The following SMU1 variants were observed in gnomAD, a reference collection of about 807,000 sequenced individuals.
SMU1 encodes the protein WD40 repeat-containing protein SMU1.
Under a neutral mutation model 62.0 loss-of-function variants are expected in SMU1, and 2 were observed. The ratio of observed to expected loss-of-function variants is 0.03; its 90% CI spans 0.01 to 0.10. The LOEUF (loss-of-function observed/expected upper bound fraction) is 0.10, where lower values mean the gene tolerates loss of function less well. Ranked by LOEUF, SMU1 falls within the 10% of genes least tolerant of loss-of-function variation. SMU1 has a pLI of 1.00. For synonymous variants in SMU1, 188 were observed against 212.4 expected (o/e 0.89, Z 1.00); for missense variants, 227 against 622.1 (o/e 0.36, Z 6.76).
At position 33,064,611 on chromosome 9, in the gene SMU1, T is replaced by C. The variant is rs370200515; in HGVS notation, c.502-2434A>G. 2.5e-4 allele frequency among the ~76,000 whole-genome samples: 38 copies of C among 152,334 alleles called. No homozygotes were observed. In the South Asian group the frequency reaches 7.9e-3, roughly 32 times the overall value. ...GTTTTTGCACTGTTGTTGCACTGGT[T>C]GCAACAGATGTTCTTGTGTCCACTA... On this transcript the variant is annotated intron_variant, in intron 4 of 11. Transcript: ENST00000397149.
rs1839144556 is a variant in SMU1 at position 33,043,184 on chromosome 9, AC to A, written c.*4108del. The A allele has an allele frequency of 6.6e-6, 1 of 152,208 alleles. No individual in the cohort carries two copies. 9.4% of individuals were successfully genotyped at this position (152,208 alleles called of 1,614,324 possible). The stretch of plus-strand genomic sequence containing the variant: ...CCAGGGAACTTCCTCACTTGGACAT[AC>A]ACTTCATAGCAATTTCTTCTCTTAA... On this transcript the variant is annotated 3_prime_UTR_variant, in exon 12 of 12. Transcript: ENST00000397149.
chr9:33,065,671 T>G (rs1839411686), intron 4 of SMU1, among the ~76,000 whole-genome samples: 1 of 152,262 alleles, frequency 6.6e-6, no homozygotes, highest in South Asian at 2.1e-4. Context: ...TCACATACCC[T>G]TCAAGCACAA....
intron 4 of SMU1, among the ~76,000 whole-genome samples, chr9:33,066,471 G>A (rs1042896045): frequency 6.8e-6 from 1 of 146,008 alleles, no homozygotes. Flanking sequence ...AGGATAGTCT[G>A]GGCAACACAG....
chr9:33,047,207 G>C lies in SMU1; in HGVS notation c.*86C>G. ...TCAGACAATCTATTTGCTTAGAAAA[G>C]CTGGCAAAAAAAAAAAAAAGCACAT... On this transcript the variant is annotated 3_prime_UTR_variant, in exon 12 of 12. Coordinates refer to ENST00000397149, the MANE Select transcript of SMU1 (RefSeq NM_018225.3). 2.6e-6 allele frequency: 2 copies of C among 782,460 alleles called. No homozygotes were observed. The highest frequency in any genetic ancestry group is 4.0e-6 in the Non-Finnish European group (2 of 504,394). The allele number at this position is 782,460 out of a possible 1,614,324, so 48.5% of individuals were successfully genotyped here. A position where few individuals can be genotyped will look rare whatever the true frequency, so the allele number is the denominator to read the frequency against.
chr9:33,054,359 G>C (rs1171484728), intron 9 of SMU1, among the ~76,000 whole-genome samples: 1 of 152,062 alleles, frequency 6.6e-6, no homozygotes, highest in Non-Finnish European at 1.5e-5. Flanking sequence ...CTGAGATTTT[G>C]ATGTGGTAGG....
intron 10 of SMU1, among the ~76,000 whole-genome samples, chr9:33,052,858 G>T (rs1019612315): frequency 1.3e-5 from 2 of 152,238 alleles, no homozygotes; most frequent in African/African-American, 4.8e-5. Flanking sequence ...GGTTCTGAAG[G>T]AGGCTTAAAG....
At chr9:33,072,836 AAAC>A (rs1839502564) in intron 2 of SMU1, among the ~76,000 whole-genome samples, 3 of 151,762 alleles carry the variant, frequency 2.0e-5, no homozygotes, top group Admixed American at 1.3e-4. Context: ...CTCAAAAAAA[AAAC>A]AAAAAAAAAA....
In SMU1 at chr9:33,048,142, G is replaced by A. The variant is rs774554930; in HGVS notation, c.1407C>T (p.Phe469=). 9 of 1,614,108 alleles carry A rather than the reference G, an allele frequency of 5.6e-6. No individual in the cohort carries two copies. The highest frequency in any genetic ancestry group is 1.1e-5 in the South Asian group (1 of 91,070). ...CVGEDFVLYC[F]STVTGKLERT... ...TCTCCAGTTTGCCAGTGACTGTACT[G>A]AAACAGTAGAGCACAAAGTCCTCCC... The change falls in exon 11 of 12, where the codon TTC becomes TTT. Residue 469 remains phenylalanine (F), a synonymous_variant. Transcript: ENST00000397149.
At chr9:33,055,980 C>G (rs1839299496) in intron 9 of SMU1, 133 bp downstream of exon 9, 1 of 857,842 alleles carries the variant, frequency 1.2e-6, no homozygotes, top group African/African-American at 1.7e-5. Context: ...CTCAGACTCA[C>G]CTCAATTACA....
intron 9 of SMU1, among the ~76,000 whole-genome samples, chr9:33,055,276 G>A (rs895996042): frequency 1.3e-5 from 2 of 152,056 alleles, no homozygotes; most frequent in East Asian, 3.8e-4. Context: ...TCCTGGGTTC[G>A]AGTGATCCTT....
intron 9 of SMU1, among the ~76,000 whole-genome samples, chr9:33,054,147 A>C (rs938823354): frequency 6.6e-6 from 1 of 151,996 alleles, no homozygotes; most frequent in Non-Finnish European, 1.5e-5. Flanking sequence ...TAAAATACAA[A>C]CAAACAAAAC....
At chr9:33,062,449 A>T (rs979002048) in intron 4 of SMU1, among the ~76,000 whole-genome samples, 67 of 152,178 alleles carry the variant, frequency 4.4e-4, no homozygotes, top group Non-Finnish European at 2.9e-5. Context: ...TTATAAACAA[A>T]ACTTGGAAAA....
Position 33,047,258 on chromosome 9 carries a change from C to T in SMU1, c.*35G>A, listed in dbSNP as rs1478161619. 4 of 1,393,694 alleles carry T rather than the reference C, an allele frequency of 2.9e-6. No homozygotes were observed. Among genetic ancestry groups the T allele is most frequent in the Non-Finnish European group, 4.0e-6 (4 of 1,000,264 alleles). 86.3% of individuals were successfully genotyped at this position (1,393,694 alleles called of 1,614,324 possible). A position where few individuals can be genotyped will look rare whatever the true frequency, so the allele number is the denominator to read the frequency against. On this transcript the variant is annotated 3_prime_UTR_variant, in exon 12 of 12. Transcript: ENST00000397149. ...TACATGAATATGCTTCATTTAAGTACATGCTTTCGAGCTGATTTAAAAAGA... is the reference window on the plus strand; with the variant it reads ...TACATGAATATGCTTCATTTAAGTATATGCTTTCGAGCTGATTTAAAAAGA...
At chr9:33,062,927 T>C (rs551425831) in intron 4 of SMU1, among the ~76,000 whole-genome samples, 2 of 152,318 alleles carry the variant, frequency 1.3e-5, no homozygotes, top group South Asian at 2.1e-4. Flanking sequence ...CCAAAAAAAG[T>C]TGCAGTTGCA....
At position 33,073,225 on chromosome 9, in the gene SMU1, T is replaced by G. The variant is rs527810165; in HGVS notation, c.237+371A>C. On this transcript the variant is annotated intron_variant, in intron 2 of 11. Coordinates refer to ENST00000397149, the MANE Select transcript of SMU1 (RefSeq NM_018225.3). ...CACCCTGGGTATTATGGTGAGATCC[T>G]GTCTCTACAGAAAAATGCAAAAATT... 3.9e-5 allele frequency among the ~76,000 whole-genome samples: 6 copies of G among 152,114 alleles called. No individual in the cohort carries two copies. The South Asian group carries it at 6.2e-4, about 16-fold the overall frequency.
At chr9:33,074,992 C>A (rs1839529648) in intron 1 of SMU1, among the ~76,000 whole-genome samples, 1 of 152,090 alleles carries the variant, frequency 6.6e-6, no homozygotes, top group South Asian at 2.1e-4. Flanking sequence ...ATGCTGGTCT[C>A]AAACTTCTGG....
At chr9:33,057,528 T>G in intron 7 of SMU1, 70 bp downstream of exon 7, 1 of 1,559,098 alleles carries the variant, frequency 6.4e-7, no homozygotes, top group Non-Finnish European at 8.8e-7. Context: ...GAATATCATA[T>G]GTAGGACACT....
rs572033745 is a variant in SMU1, at chr9:33,047,647, C to T, written c.1444-256G>A. 8.5e-5 allele frequency among the ~76,000 whole-genome samples: 13 copies of T among 152,202 alleles called. 1 individual carries two copies. In the South Asian group the frequency reaches 2.7e-3, roughly 32 times the overall value. ...CAGAGGCGGGTGGATCACTTGAGGTCAGGAGTTCAAGACCAGCCTGGCCAA... is the reference window on the plus strand; with the variant it reads ...CAGAGGCGGGTGGATCACTTGAGGTTAGGAGTTCAAGACCAGCCTGGCCAA... On this transcript the variant is annotated intron_variant, in intron 11 of 11. Transcript: ENST00000397149.
chr9:33,052,015 C>A (rs1839255947), intron 10 of SMU1, among the ~76,000 whole-genome samples: 1 of 137,840 alleles, frequency 7.3e-6, no homozygotes. Context: ...AAAACTCCAT[C>A]TCAAAAAAAA....
Sources: allele counts gnomAD v4.1 joint callset (sites outside exome capture counted in the v4.1 genomes callset), GRCh38; gene constraint gnomAD v4.1.1; transcripts MANE v1.5; gene names NCBI Gene and HGNC (gene_info 2026-07-23, HGNC 2026-07-21).